Variants in MKRN2OS observed in about 807,000 individuals in gnomAD.
The protein encoded by MKRN2OS is MKRN2 opposite strand.
A neutral mutation model predicts 18.2 loss-of-function variants in MKRN2OS; 17 were observed. The ratio of observed to expected loss-of-function variants is 0.93; its 90% CI spans 0.64 to 1.40. The LOEUF (loss-of-function observed/expected upper bound fraction) is 1.40, where lower values mean the gene tolerates loss of function less well. MKRN2OS is among the 40% of genes most tolerant of loss of function. The pLI, the probability that MKRN2OS is intolerant of heterozygous loss-of-function variation, is 0.00. For missense variants in MKRN2OS, 337 were observed against 283.0 expected (o/e 1.19, Z -1.37); for synonymous variants, 121 against 108.5 (o/e 1.12, Z -0.72).
chr3:12,542,719 A>AC lies in MKRN2OS; in HGVS notation c.268+460_268+461insG, dbSNP rs1006439866. ...TTAATCTTCACTTTCCTTAAAAAAA[A>AC]AAAAAAAAAAAAAAACACTGCAGGC... On this transcript the variant is annotated intron_variant, in intron 2 of 3. Coordinates refer to ENST00000564146, the MANE Select transcript of MKRN2OS (RefSeq NM_001195279.2). Among the ~76,000 whole-genome samples the AC allele has an allele frequency of 2.6e-4, 34 of 128,820 alleles. No homozygotes were observed. In the East Asian group the frequency reaches 4.7e-3, roughly 18 times the overall value. 84.5% of individuals were successfully genotyped at this position (128,820 alleles called of 152,430 possible).
chr3:12,549,040 T>TC (rs2057909171), upstream of MKRN2OS, among the ~76,000 whole-genome samples: 1 of 152,120 alleles, frequency 6.6e-6, no homozygotes, highest in Non-Finnish European at 1.5e-5. Flanking sequence ...GTTGAAGCGA[T>TC]CCCTTTGCCT....
chr3:12,549,047 G>C (rs2125293482), upstream of MKRN2OS, among the ~76,000 whole-genome samples: 1 of 152,178 alleles, frequency 6.6e-6, no homozygotes, highest in Admixed American at 6.5e-5. Context: ...CGATCCCTTT[G>C]CCTCAGCCTC....
upstream of MKRN2OS, among the ~76,000 whole-genome samples, chr3:12,547,185 C>T (rs910370324): frequency 6.6e-6 from 1 of 152,272 alleles, no homozygotes; most frequent in Non-Finnish European, 1.5e-5. Context: ...TTGTTTCTCA[C>T]ATAACATTTC....
At chr3:12,548,886 A>G (rs2057908209), upstream of MKRN2OS, among the ~76,000 whole-genome samples, 1 of 152,194 alleles carries the variant, frequency 6.6e-6, no homozygotes, top group Admixed American at 6.5e-5. Flanking sequence ...ATAGACACAG[A>G]AAACTACATA....
At chr3:12,555,170 C>T (rs983646269) in intron 1 of MKRN2OS, among the ~76,000 whole-genome samples, 4 of 151,992 alleles carry the variant, frequency 2.6e-5, no homozygotes, top group Non-Finnish European at 5.9e-5. Context: ...ATCAGCTGGG[C>T]GTGGCAGCGT....
At chr3:12,548,815 C>T (rs558279974), upstream of MKRN2OS, among the ~76,000 whole-genome samples, 1 of 152,190 alleles carries the variant, frequency 6.6e-6, no homozygotes, top group Admixed American at 6.5e-5. Context: ...TTTTTTTCAA[C>T]ACAAGCATCT....
downstream of MKRN2OS, among the ~76,000 whole-genome samples, chr3:12,552,231 T>G (rs1310492662): frequency 6.6e-6 from 1 of 151,440 alleles, no homozygotes; most frequent in African/African-American, 2.4e-5. Flanking sequence ...AAGCAGAGAA[T>G]TGCTTGAACC....
chr3:12,559,129 GA>G (rs1348250413), intron 1 of MKRN2OS, among the ~76,000 whole-genome samples: 1 of 152,166 alleles, frequency 6.6e-6, no homozygotes, highest in African/African-American at 2.4e-5. Flanking sequence ...AAACTGCAAA[GA>G]AGTTTACTCA....
chr3:12,548,557 A>T (rs113645628), upstream of MKRN2OS, among the ~76,000 whole-genome samples: 2 of 148,362 alleles, frequency 1.3e-5, no homozygotes, highest in African/African-American at 2.4e-5. Context: ...GCTTGAACCC[A>T]GGAGGCGGAG....
At chr3:12,543,621 C>A (rs1447229583) in intron 1 of MKRN2OS, among the ~76,000 whole-genome samples, 1 of 147,876 alleles carries the variant, frequency 6.8e-6, no homozygotes, top group East Asian at 2.0e-4. Flanking sequence ...TGCAGTGGCT[C>A]ACGCCTGTAA....
At chr3:12,548,057 C>G (rs1435038527), upstream of MKRN2OS, among the ~76,000 whole-genome samples, 1 of 152,162 alleles carries the variant, frequency 6.6e-6, no homozygotes, top group Admixed American at 6.5e-5. Context: ...CGCCTGAAAT[C>G]CCAGCACTTT....
At chr3:12,555,311 C>CAAAAAA in intron 1 of MKRN2OS, among the ~76,000 whole-genome samples, 1 of 98,324 alleles carries the variant, frequency 1.0e-5, no homozygotes. Context: ...GACTCCGTCT[C>CAAAAAA]AAAAAAAAAA....
intron 1 of MKRN2OS, among the ~76,000 whole-genome samples, chr3:12,560,583 G>A (rs2058028964): frequency 6.6e-6 from 1 of 151,774 alleles, no homozygotes; most frequent in African/African-American, 2.4e-5. Context: ...GGGCCTGTAA[G>A]AAACCAGATT....
chr3:12,542,711 TAAAA>T (rs544900301), intron 2 of MKRN2OS, among the ~76,000 whole-genome samples: 1 of 109,070 alleles, frequency 9.2e-6, no homozygotes, highest in Non-Finnish European at 1.8e-5. Flanking sequence ...TCACTTTCCT[TAAAA>T]AAAAAAAAAA....
rs111958878 is a variant in MKRN2OS, at chr3:12,543,248, GT to G, written c.219-20del. ...ATACTCTCTGAAAGAAACAAGGTTT[GT>G]TTTTTTTTGGTTTGCATGTATTTGG... On this transcript the variant is annotated intron_variant, in intron 1 of 3. Transcript: ENST00000564146. The G allele has an allele frequency of 4.6e-5, 69 of 1,499,326 alleles. No homozygotes were observed. Among genetic ancestry groups the G allele is most frequent in the South Asian group, 1.5e-4 (12 of 80,408 alleles). The allele number at this position is 1,499,326 out of a possible 1,614,324, so 92.9% of individuals were successfully genotyped here. A position where few individuals can be genotyped will look rare whatever the true frequency, so the allele number is the denominator to read the frequency against.
chr3:12,542,942 G>A (rs2057835919), intron 2 of MKRN2OS, among the ~76,000 whole-genome samples: 1 of 152,160 alleles, frequency 6.6e-6, no homozygotes, highest in South Asian at 2.1e-4. Context: ...GTACAGGTTT[G>A]TGAGGCTCCT....
chr3:12,545,298 T>C lies in MKRN2OS; in HGVS notation c.167A>G (p.His56Arg), dbSNP rs949095252. ...VSIANPFTNG[H>R]QEKCSFLLRP... Reference sequence around the variant, plus strand: ...GAGGAGGAATGAACATTTTTCTTGATGTCCATTAGTAAATGGATTAGCGAT... The same window carrying C: ...GAGGAGGAATGAACATTTTTCTTGACGTCCATTAGTAAATGGATTAGCGAT... The change falls in exon 1 of 4, where the codon CAT becomes CGT. Residue 56 changes from histidine (H) to arginine (R), a missense_variant. Coordinates refer to ENST00000564146, the MANE Select transcript of MKRN2OS (RefSeq NM_001195279.2). 1 of 1,536,132 alleles carries C rather than the reference T, an allele frequency of 6.5e-7. No individual in the cohort carries two copies. Among genetic ancestry groups the C allele is most frequent in the Non-Finnish European group, 8.7e-7 (1 of 1,146,882 alleles).
At chr3:12,554,341 G>C (rs1254608951) in intron 1 of MKRN2OS, among the ~76,000 whole-genome samples, 3 of 147,402 alleles carry the variant, frequency 2.0e-5, no homozygotes, top group Non-Finnish European at 1.5e-5. Context: ...AGTGGAGACT[G>C]CTTGCATCCT....
exon 2 of MKRN2OS, chr3:12,554,054 T>A (rs2057948247): frequency 6.6e-6 from 1 of 151,920 alleles, no homozygotes; most frequent in Non-Finnish European, 1.5e-5. Context: ...GCCACCCTTC[T>A]CTTCTGTTTT....
Sources: gnomAD v4.1 joint callset for allele counts (sites outside exome capture counted in the v4.1 genomes callset) on GRCh38, gnomAD v4.1.1 for gene constraint, MANE v1.5 for transcripts, NCBI Gene and HGNC (gene_info 2026-07-23, HGNC 2026-07-21) for gene names.